Variants in NEDD4L observed in about 807,000 individuals in gnomAD.
The protein encoded by NEDD4L is E3 ubiquitin-protein ligase NEDD4-like.
Under a neutral mutation model 148.9 loss-of-function variants are expected in NEDD4L, and 54 were observed. The observed-to-expected ratio is 0.36, with a 90% CI of 0.29 to 0.45. The LOEUF (loss-of-function observed/expected upper bound fraction) is 0.45, where lower values mean the gene tolerates loss of function less well. Ranked by LOEUF, NEDD4L falls within the 20% of genes least tolerant of loss-of-function variation. NEDD4L has a pLI of 1.00. For missense variants in NEDD4L, 856 were observed against 1,233.8 expected, an observed-to-expected ratio of 0.69 and a Z score of 4.59; for synonymous variants, 433 against 440.7, an observed-to-expected ratio of 0.98 and a Z score of 0.22.
intron 2 of NEDD4L, among the ~76,000 whole-genome samples, chr18:58,243,245 T>C (rs1434223144): frequency 6.6e-6 from 1 of 152,214 alleles, no homozygotes; most frequent in African/African-American, 2.4e-5. Context: ...TAACTGTGGA[T>C]TCTGTATGTG....
At chr18:58,081,960 A>G (rs952139918) in intron 1 of NEDD4L, among the ~76,000 whole-genome samples, 1 of 151,622 alleles carries the variant, frequency 6.6e-6, no homozygotes, top group Admixed American at 6.6e-5. Flanking sequence ...TATTTATTGT[A>G]TTTTAGAGTG....
intron 2 of NEDD4L, among the ~76,000 whole-genome samples, chr18:58,230,223 C>T (rs2044968707): frequency 6.6e-6 from 1 of 152,096 alleles, no homozygotes; most frequent in Non-Finnish European, 1.5e-5. Flanking sequence ...TTATTATTTC[C>T]TCCCAAAGTT....
intron 6 of NEDD4L, among the ~76,000 whole-genome samples, chr18:58,319,265 C>G (rs1263466064): frequency 6.6e-6 from 1 of 152,196 alleles, no homozygotes; most frequent in Non-Finnish European, 1.5e-5. Context: ...GGATCTGACC[C>G]TGGCTCTCCA....
intron 18 of NEDD4L, among the ~76,000 whole-genome samples, chr18:58,354,663 G>A (rs2044353886): frequency 6.6e-6 from 1 of 152,222 alleles, no homozygotes; most frequent in South Asian, 2.1e-4. Flanking sequence ...AAGTGGTAGA[G>A]AGGGGATTGC....
chr18:58,107,711 C>A (rs1156791386), intron 1 of NEDD4L, among the ~76,000 whole-genome samples: 2 of 150,846 alleles, frequency 1.3e-5, no homozygotes, highest in Non-Finnish European at 3.0e-5. Context: ...CAGAGCAAGA[C>A]CCTGTCTCCA....
intron 19 of NEDD4L, 23 bp from the exon 20 acceptor site, chr18:58,364,245 A>G (rs749313020): frequency 2.5e-5 from 35 of 1,407,296 alleles, no homozygotes; most frequent in Middle Eastern, 3.5e-4. Flanking sequence ...TGCATTATCT[A>G]TATTTATAAA....
intron 1 of NEDD4L, among the ~76,000 whole-genome samples, chr18:58,120,458 A>T (rs2086158426): frequency 1.3e-5 from 2 of 152,192 alleles, no homozygotes; most frequent in Admixed American, 6.5e-5. Flanking sequence ...CCAGCTCATA[A>T]TGAGTATGCA....
intron 3 of NEDD4L, 41 bp downstream of exon 3, chr18:58,245,549 T>TTGGA: frequency 7.4e-6 from 8 of 1,087,164 alleles, no homozygotes; most frequent in South Asian, 1.4e-5. Context: ...TAAGTCATAA[T>TTGGA]TTAATCCAAT....
intron 5 of NEDD4L, chr18:58,255,976 C>T (rs988491937): frequency 8.1e-7 from 1 of 1,230,928 alleles, no homozygotes; most frequent in Non-Finnish European, 1.0e-6. Flanking sequence ...CGCCCGAGGG[C>T]GCCGACGATG....
chr18:58,199,503 A>G (rs1002995294), intron 2 of NEDD4L, among the ~76,000 whole-genome samples: 3 of 152,198 alleles, frequency 2.0e-5, no homozygotes, highest in Admixed American at 2.0e-4. Context: ...GTGGAAGACC[A>G]GGCACGGTGG....
rs575338093 is a variant in NEDD4L at position 58,234,869 on chromosome 18, C to T, written c.123-10558C>T. Among the ~76,000 whole-genome samples, 5 of 152,232 alleles carry T rather than the reference C, an allele frequency of 3.3e-5. No homozygotes were observed. In the East Asian group the frequency reaches 7.7e-4, roughly 24 times the overall value. On this transcript the variant is annotated intron_variant, in intron 2 of 30. Transcript: ENST00000400345. ...CAGCTGTGTCACTGAATGGGTGTCA[C>T]CTGGGGGGCTGCCTGTTCAGACATT...
In NEDD4L at chr18:58,297,205, G is replaced by A. The variant is rs2055745787; in HGVS notation, c.298-18777G>A. On this transcript the variant is annotated intron_variant, in intron 5 of 30. Transcript: ENST00000400345. ...CATCTGCAAAGGCATTTTCATGTAAGGTAACATTGAAAAGTTTCAGGGGTC... is the reference window on the plus strand; with the variant it reads ...CATCTGCAAAGGCATTTTCATGTAAAGTAACATTGAAAAGTTTCAGGGGTC... Among the ~76,000 whole-genome samples, 2 of 152,162 alleles carry A rather than the reference G, an allele frequency of 1.3e-5. 1 individual carries two copies. The highest frequency in any genetic ancestry group is 4.1e-4 in the South Asian group (2 of 4,824).
intron 1 of NEDD4L, among the ~76,000 whole-genome samples, chr18:58,080,605 C>T (rs2083378480): frequency 6.6e-6 from 1 of 152,206 alleles, no homozygotes; most frequent in Non-Finnish European, 1.5e-5. Context: ...GGCAAATGTA[C>T]TTCATTCCTG....
intron 24 of NEDD4L, among the ~76,000 whole-genome samples, chr18:58,382,909 G>A (rs1161888327): frequency 6.6e-6 from 1 of 152,162 alleles, no homozygotes; most frequent in East Asian, 1.9e-4. Flanking sequence ...GAGTCTTGAT[G>A]GGTGTACCCT....
intron 5 of NEDD4L, among the ~76,000 whole-genome samples, chr18:58,272,403 A>T (rs966398818): frequency 6.6e-6 from 1 of 152,176 alleles, no homozygotes; most frequent in Non-Finnish European, 1.5e-5. Context: ...TGAGAGGCCG[A>T]GGCAGATAGA....
chr18:58,261,286 A>G (rs1568503584), intron 5 of NEDD4L, among the ~76,000 whole-genome samples: 1 of 152,196 alleles, frequency 6.6e-6, no homozygotes, highest in Non-Finnish European at 1.5e-5. Flanking sequence ...TTGAAGCCTT[A>G]TAACATTTTG....
chr18:58,121,633 T>A (rs2029916079), intron 1 of NEDD4L, among the ~76,000 whole-genome samples: 1 of 152,196 alleles, frequency 6.6e-6, no homozygotes, highest in Non-Finnish European at 1.5e-5. Flanking sequence ...GGTCTCAAAC[T>A]CCTGGGCTCA....
chr18:58,216,491 G>A (rs1312081039), intron 2 of NEDD4L, among the ~76,000 whole-genome samples: 1 of 151,980 alleles, frequency 6.6e-6, no homozygotes, highest in East Asian at 1.9e-4. Context: ...GAGAGAGGAT[G>A]GTTTAAACAC....
chr18:58,113,985 A>AG (rs1254878126), intron 1 of NEDD4L, among the ~76,000 whole-genome samples: 5 of 152,068 alleles, frequency 3.3e-5, no homozygotes, highest in Non-Finnish European at 2.9e-5. Flanking sequence ...GTCCCCTGTG[A>AG]GGGTATGTGC....
Sources: allele counts gnomAD v4.1 joint callset (sites outside exome capture counted in the v4.1 genomes callset), GRCh38; gene constraint gnomAD v4.1.1; transcripts MANE v1.5; gene names NCBI Gene and HGNC (gene_info 2026-07-23, HGNC 2026-07-21).